PPP2R3A: variants seen among roughly 807,000 people sequenced by gnomAD.
PPP2R3A encodes protein phosphatase 2 regulatory subunit B''alpha.
A neutral mutation model predicts 106.9 loss-of-function variants in PPP2R3A; 80 were observed. The observed-to-expected ratio is 0.75, with a 90% CI of 0.62 to 0.90. The LOEUF (loss-of-function observed/expected upper bound fraction) is 0.90, where lower values mean the gene tolerates loss of function less well. Ranked by LOEUF, PPP2R3A falls within the 40% of genes least tolerant of loss-of-function variation. PPP2R3A has a pLI of 0.00. For missense variants in PPP2R3A, 1,386 were observed against 1,350.4 expected (o/e 1.03, Z -0.41); for synonymous variants, 483 against 468.3 (o/e 1.03, Z -0.41).
chr3:136,048,006 A>G (rs1935533357), intron 4 of PPP2R3A, among the ~76,000 whole-genome samples: 1 of 152,170 alleles, frequency 6.6e-6, no homozygotes, highest in Non-Finnish European at 1.5e-5. Context: ...TACTATGCTC[A>G]CTACCTGAGA....
intron 10 of PPP2R3A, among the ~76,000 whole-genome samples, chr3:136,095,625 A>G (rs1029477428): frequency 6.6e-6 from 1 of 152,168 alleles, no homozygotes; most frequent in Non-Finnish European, 1.5e-5. Context: ...CTTCTTTCCA[A>G]GTAGGCTGTA....
intron 1 of PPP2R3A, among the ~76,000 whole-genome samples, chr3:135,966,592 C>T (rs1937093787): frequency 6.6e-6 from 1 of 152,078 alleles, no homozygotes; most frequent in South Asian, 2.1e-4. Flanking sequence ...CATCCGAACT[C>T]TGTTGTGCTC....
At chr3:136,013,776 T>G (rs1934175473) in intron 2 of PPP2R3A, among the ~76,000 whole-genome samples, 1 of 149,702 alleles carries the variant, frequency 6.7e-6, no homozygotes, top group South Asian at 2.1e-4. Context: ...AGATGCATAG[T>G]TTACAAAGAT....
chr3:136,070,893 G>GA (rs914852297), intron 6 of PPP2R3A, among the ~76,000 whole-genome samples: 1 of 152,094 alleles, frequency 6.6e-6, no homozygotes. Flanking sequence ...CCCTGTCCCA[G>GA]AAAAAAAGAT....
chr3:136,051,243 C>T (rs1485160779), intron 5 of PPP2R3A, among the ~76,000 whole-genome samples: 1 of 152,192 alleles, frequency 6.6e-6, no homozygotes, highest in Admixed American at 6.5e-5. Flanking sequence ...CTTGTTAGCT[C>T]TTAGTATGGA....
chr3:136,102,555 C>G (rs1937406015), intron 11 of PPP2R3A, among the ~76,000 whole-genome samples: 1 of 151,972 alleles, frequency 6.6e-6, no homozygotes, highest in African/African-American at 2.4e-5. Flanking sequence ...CCATGTTGGC[C>G]AGGCTGGTCT....
At chr3:136,096,749 T>C (rs913326098) in intron 10 of PPP2R3A, among the ~76,000 whole-genome samples, 6 of 152,234 alleles carry the variant, frequency 3.9e-5, no homozygotes, top group Non-Finnish European at 5.9e-5. Flanking sequence ...CAGGAGTTTA[T>C]ATTAGGGGTA....
At chr3:136,049,215 T>G (rs1442351609) in intron 4 of PPP2R3A, 44 bp from the exon 5 acceptor site, 1 of 1,396,748 alleles carries the variant, frequency 7.2e-7, no homozygotes, top group African/African-American at 1.4e-5. Context: ...TGTCATTGTT[T>G]GTTCAGAGGA....
intron 1 of PPP2R3A, among the ~76,000 whole-genome samples, chr3:135,984,276 T>C (rs746848174): frequency 2.0e-5 from 3 of 152,218 alleles, no homozygotes; most frequent in Non-Finnish European, 4.4e-5. Context: ...ACAAAAGAGC[T>C]TTGATCTTAC....
intron 1 of PPP2R3A, among the ~76,000 whole-genome samples, chr3:135,980,027 C>T (rs992247048): frequency 3.3e-5 from 5 of 151,832 alleles, no homozygotes; most frequent in Non-Finnish European, 7.4e-5. Flanking sequence ...AATGAACATG[C>T]TTCTCTTTCT....
intron 8 of PPP2R3A, among the ~76,000 whole-genome samples, chr3:136,083,757 A>T (rs145324861): frequency 0.016 from 2,463 of 152,328 alleles, 67 homozygotes; most frequent in African/African-American, 0.056. Context: ...TGATAGTGAT[A>T]TGGACAATAA....
intron 3 of PPP2R3A, among the ~76,000 whole-genome samples, chr3:136,029,524 A>G (rs964764680): frequency 2.0e-5 from 3 of 152,202 alleles, no homozygotes; most frequent in Admixed American, 6.5e-5. Flanking sequence ...GGCAGGATAG[A>G]GGTCTCTGGA....
rs1936816046 is a variant in PPP2R3A, at chr3:136,082,722, C to G, written c.2788+301C>G. On this transcript the variant is annotated intron_variant, in intron 8 of 13. Coordinates refer to ENST00000264977, the MANE Select transcript of PPP2R3A (RefSeq NM_002718.5). ...ATGATGAATTGAATAAGATCCACAC[C>G]TGTTTAAATCTGTTTGAAAGAGAAT... is the stretch of plus-strand genomic sequence containing the variant. Among the ~76,000 whole-genome samples the G allele has an allele frequency of 3.3e-5, 5 of 152,118 alleles. No individual in the cohort carries two copies. The South Asian group carries it at 1.0e-3, about 32-fold the overall frequency.
At chr3:136,054,179 C>T (rs1402741565) in intron 5 of PPP2R3A, among the ~76,000 whole-genome samples, 1 of 151,720 alleles carries the variant, frequency 6.6e-6, no homozygotes, top group African/African-American at 2.4e-5. Context: ...ATAATTCCCC[C>T]TACACACATA....
intron 13 of PPP2R3A, among the ~76,000 whole-genome samples, chr3:136,121,839 T>C (rs910912826): frequency 6.6e-6 from 1 of 152,078 alleles, no homozygotes; most frequent in African/African-American, 2.4e-5. Context: ...AAACTGTAAT[T>C]CCAAATCTCA....
rs75188364 is a variant in PPP2R3A at position 136,009,906 on chromosome 3, A to T, written c.1995+6413A>T. ...TTTGAGCTTTTATTCGTGCAGCTGA[A>T]CTTGGCTACAGAAGATCACACAACC... On this transcript the variant is annotated intron_variant, in intron 2 of 13. Coordinates refer to ENST00000264977, the MANE Select transcript of PPP2R3A (RefSeq NM_002718.5). 7.2e-3 allele frequency among the ~76,000 whole-genome samples: 1,103 copies of T among 152,312 alleles called. 8 individuals carry two copies. Among genetic ancestry groups the T allele is most frequent in the Non-Finnish European group, 0.012 (787 of 68,018 alleles).
At chr3:136,107,775 T>A (rs1392937607) in intron 13 of PPP2R3A, among the ~76,000 whole-genome samples, 1 of 152,138 alleles carries the variant, frequency 6.6e-6, no homozygotes, top group African/African-American at 2.4e-5. Context: ...CATCGTGCAC[T>A]CAGTATCTTA....
At chr3:136,055,905 C>A in intron 5 of PPP2R3A, 1 of 387,716 alleles carries the variant, frequency 2.6e-6, no homozygotes. Flanking sequence ...TAAGAGTAGG[C>A]TATGCATAGT....
chr3:136,097,954 T>G (rs1015741943), intron 10 of PPP2R3A, among the ~76,000 whole-genome samples: 6 of 152,238 alleles, frequency 3.9e-5, no homozygotes, highest in Non-Finnish European at 7.3e-5. Flanking sequence ...TCTGCCCCTT[T>G]TATATTCTGA....
Sources: allele counts gnomAD v4.1 joint callset (sites outside exome capture counted in the v4.1 genomes callset), GRCh38; gene constraint gnomAD v4.1.1; transcripts MANE v1.5; gene names NCBI Gene and HGNC (gene_info 2026-07-23, HGNC 2026-07-21).